Variants in KLF13 observed in about 807,000 individuals in gnomAD.
KLF13 encodes the protein Krueppel-like factor 13.
A neutral mutation model predicts 16.7 loss-of-function variants in KLF13; 8 were observed. The observed-to-expected ratio is 0.48, with a 90% CI of 0.28 to 0.87. KLF13 has a LOEUF of 0.87. Ranked by LOEUF, KLF13 falls within the 40% of genes least tolerant of loss-of-function variation. The probability of loss-of-function intolerance (pLI) is 0.10; values close to 1 mark genes in which losing one functional copy is unlikely to be tolerated. For missense variants in KLF13, 447 were observed against 452.2 expected (o/e 0.99, Z 0.10); for synonymous variants, 245 against 208.4 (o/e 1.18, Z -1.51).
At chr15:31,414,393 C>T (rs567351457) in intron 1 of KLF13, among the ~76,000 whole-genome samples, 10 of 151,958 alleles carry the variant, frequency 6.6e-5, no homozygotes, top group South Asian at 2.1e-4. Flanking sequence ...AATGCGAGAG[C>T]GAATTAAACA....
At position 31,327,734 on chromosome 15, in the gene KLF13, C is replaced by T; in HGVS notation, c.522C>T (p.Cys174=). 6.5e-7 allele frequency: 1 copy of T among 1,536,746 alleles called. No individual in the cohort carries two copies. ...AGCACAAGTGCCACTACGCGGGCTG[C>T]GAGAAAGTTTACGGGAAATCTTCGC... The part of the protein sequence containing the change: ...QRKHKCHYAG[C]EKVYGKSSHL... The change falls in exon 1 of 2, where the codon TGC becomes TGT. Residue 174 remains cysteine (C), a synonymous_variant. Coordinates refer to ENST00000307145, the MANE Select transcript of KLF13 (RefSeq NM_015995.4).
chr15:31,428,315 G>A (rs371852820), intron 1 of KLF13, among the ~76,000 whole-genome samples: 22 of 152,230 alleles, frequency 1.4e-4, no homozygotes, highest in Middle Eastern at 3.4e-3. Context: ...CATGTGTAGG[G>A]ATAAAAGTAC....
chr15:31,362,838 C>CA (rs2039410255), intron 1 of KLF13, among the ~76,000 whole-genome samples: 1 of 152,184 alleles, frequency 6.6e-6, no homozygotes, highest in Admixed American at 6.5e-5. Flanking sequence ...TTGTTTTCCT[C>CA]ACTCAGCTTG....
chr15:31,392,497 C>A (rs2140984043), upstream of KLF13, among the ~76,000 whole-genome samples: 1 of 152,270 alleles, frequency 6.6e-6, no homozygotes, highest in African/African-American at 2.4e-5. Flanking sequence ...CCCCCGGGTC[C>A]CCTGCGCTCC....
intron 2 of KLF13, among the ~76,000 whole-genome samples, chr15:31,398,419 G>A (rs1001025992): frequency 3.3e-5 from 5 of 152,210 alleles, no homozygotes; most frequent in Non-Finnish European, 5.9e-5. Context: ...TAGTGGCTGG[G>A]AGCAGAGCGT....
chr15:31,415,389 A>G (rs373935043), intron 1 of KLF13, among the ~76,000 whole-genome samples: 1 of 152,228 alleles, frequency 6.6e-6, no homozygotes, highest in South Asian at 2.1e-4. Flanking sequence ...ATGCTAAACC[A>G]TAAAGCATAC....
At chr15:31,423,171 A>ACG (rs1566848566) in intron 1 of KLF13, among the ~76,000 whole-genome samples, 1 of 34,194 alleles carries the variant, frequency 2.9e-5, no homozygotes, top group African/African-American at 1.3e-4. Flanking sequence ...ATATGTATAT[A>ACG]TATACATATA....
At chr15:31,398,148 C>A (rs1449422073) in intron 2 of KLF13, among the ~76,000 whole-genome samples, 1 of 152,204 alleles carries the variant, frequency 6.6e-6, no homozygotes, top group Non-Finnish European at 1.5e-5. Context: ...GACAGGTTCC[C>A]ACCACAAAGC....
intron 1 of KLF13, among the ~76,000 whole-genome samples, chr15:31,422,918 T>C (rs2040345949): frequency 6.6e-6 from 1 of 151,200 alleles, no homozygotes; most frequent in Non-Finnish European, 1.5e-5. Context: ...ACACCTGTAG[T>C]CCCAGCTACT....
At chr15:31,399,156 GCC>G (rs2039998505) in intron 2 of KLF13, among the ~76,000 whole-genome samples, 1 of 152,154 alleles carries the variant, frequency 6.6e-6, no homozygotes, top group Admixed American at 6.5e-5. Flanking sequence ...AAAACAAGGG[GCC>G]CCTTAGCCCC....
chr15:31,333,444 G>A (rs969370885), intron 1 of KLF13, among the ~76,000 whole-genome samples: 7 of 152,110 alleles, frequency 4.6e-5, no homozygotes, highest in East Asian at 1.9e-4. Context: ...ACGGCTTCCC[G>A]CACAGATTTT....
chr15:31,352,165 C>T (rs1026845170), intron 1 of KLF13, among the ~76,000 whole-genome samples: 1 of 152,202 alleles, frequency 6.6e-6, no homozygotes, highest in African/African-American at 2.4e-5. Flanking sequence ...TGCCCCGTAC[C>T]TGGGAGCTTC....
At chr15:31,389,183 T>A (rs1473204131), upstream of KLF13, among the ~76,000 whole-genome samples, 1 of 152,216 alleles carries the variant, frequency 6.6e-6, no homozygotes, top group Non-Finnish European at 1.5e-5. Context: ...TTTATAATGA[T>A]CCACTTCTAC....
At chr15:31,399,137 C>A (rs1271053530) in intron 2 of KLF13, among the ~76,000 whole-genome samples, 2 of 152,180 alleles carry the variant, frequency 1.3e-5, no homozygotes, top group Non-Finnish European at 2.9e-5. Flanking sequence ...AGGAGCTGAG[C>A]TCCCTCTGAA....
At position 31,375,619 on chromosome 15, in the gene KLF13, T is replaced by C. The variant is rs531474697; in HGVS notation, c.*3320T>C. 6.6e-6 allele frequency: 1 copy of C among 152,280 alleles called. No individual in the cohort carries two copies. Among genetic ancestry groups the C allele is most frequent in the South Asian group, 2.1e-4 (1 of 4,824 alleles). The allele number at this position is 152,280 out of a possible 1,614,324, so 9.4% of individuals were successfully genotyped here. ...TGGGGCTCAGCCATCAAGGGGCTGG[T>C]GTTGCTCCTGTCCCAGACAAGGAAG... On this transcript the variant is annotated 3_prime_UTR_variant, in exon 2 of 2. Coordinates refer to ENST00000307145, the MANE Select transcript of KLF13 (RefSeq NM_015995.4).
At chr15:31,420,584 GT>G (rs1316092022) in intron 1 of KLF13, 5 of 452,328 alleles carry the variant, frequency 1.1e-5, no homozygotes, top group African/African-American at 2.0e-5. Context: ...CATGCATGCT[GT>G]TGAGTTCTGG....
chr15:31,415,381 G>A (rs1182745792), intron 1 of KLF13, among the ~76,000 whole-genome samples: 2 of 152,068 alleles, frequency 1.3e-5, no homozygotes, highest in Non-Finnish European at 2.9e-5. Context: ...CAGACCATAT[G>A]CTAAACCATA....
chr15:31,340,949 A>G (rs574308249), intron 1 of KLF13, among the ~76,000 whole-genome samples: 1 of 152,308 alleles, frequency 6.6e-6, no homozygotes, highest in South Asian at 2.1e-4. Context: ...ACATGAGCAC[A>G]CTTGGGAGTT....
At position 31,375,729 on chromosome 15, in the gene KLF13, A is replaced by G. The variant is rs547081649; in HGVS notation, c.*3430A>G. On this transcript the variant is annotated 3_prime_UTR_variant, in exon 2 of 2. Coordinates refer to ENST00000307145, the MANE Select transcript of KLF13 (RefSeq NM_015995.4). Reference sequence around the variant, plus strand: ...ATCCTACAGCCATACAGGAAAACAGACGGACACAGCCCTTTCCTTAAAGAG... The same window carrying G: ...ATCCTACAGCCATACAGGAAAACAGGCGGACACAGCCCTTTCCTTAAAGAG... 1 of 152,288 alleles carries G rather than the reference A, an allele frequency of 6.6e-6. No individual in the cohort carries two copies. The highest frequency in any genetic ancestry group is 2.4e-5 in the African/African-American group (1 of 41,538). 9.4% of individuals were successfully genotyped at this position (152,288 alleles called of 1,614,324 possible).
Sources: gnomAD v4.1 joint callset for allele counts (sites outside exome capture counted in the v4.1 genomes callset) on GRCh38, gnomAD v4.1.1 for gene constraint, MANE v1.5 for transcripts, NCBI Gene and HGNC (gene_info 2026-07-23, HGNC 2026-07-21) for gene names.